HIGD1C: variants seen among roughly 807,000 people sequenced by gnomAD.
HIGD1C encodes HIG1 domain family member 1C.
HIGD1C carries 11 observed loss-of-function variants against 13.1 expected under a neutral mutation model. That is an observed-to-expected ratio of 0.84 (90% CI 0.53 to 1.39). The LOEUF is 1.39. Among genes scored for constraint, HIGD1C ranks in the 40% most tolerant of loss-of-function variants. The pLI is 0.00. For synonymous variants in HIGD1C, 36 were observed against 37.7 expected (o/e 0.95, Z 0.17); for missense variants, 110 against 112.0 (o/e 0.98, Z 0.08).
chr12:50,970,901 T>C (rs1371812454), downstream of HIGD1C, among the ~76,000 whole-genome samples: 1 of 152,106 alleles, frequency 6.6e-6, no homozygotes, highest in Non-Finnish European at 1.5e-5. Flanking sequence ...TTTTTTGAGA[T>C]GGAGTCTTAC....
intron 2 of HIGD1C, among the ~76,000 whole-genome samples, chr12:50,968,389 T>TTG (rs1001722646): frequency 6.6e-6 from 1 of 151,832 alleles, no homozygotes. Flanking sequence ...GATTCTTTTT[T>TTG]TGTGTGTGTG....
chr12:50,963,389 AAAAAG>A (rs1555212301), intron 2 of HIGD1C, among the ~76,000 whole-genome samples: 37 of 134,498 alleles, frequency 2.8e-4, no homozygotes, highest in African/African-American at 9.8e-4. Flanking sequence ...AAAAAAAAAA[AAAAAG>A]AAAAGAAAAG....
rs113413475 is a variant in HIGD1C, at chr12:50,968,102, A to G, written c.230-2340A>G. On this transcript the variant is annotated intron_variant, in intron 2 of 2. Coordinates refer to ENST00000398455, the Ensembl canonical transcript of HIGD1C. ...CATTGTCTCAAATAATAAGAAGAAG[A>G]AGGAGGAGGAGGAGGAGGAGGAGGA... Among the ~76,000 whole-genome samples the G allele has an allele frequency of 6.1e-4, 90 of 147,354 alleles. 1 individual carries two copies. The highest frequency in any genetic ancestry group is 1.4e-3 in the East Asian group (7 of 5,132).
chr12:50,956,467 T>G (rs1939099684), intron 1 of HIGD1C, among the ~76,000 whole-genome samples: 1 of 152,272 alleles, frequency 6.6e-6, no homozygotes, highest in Non-Finnish European at 1.5e-5. Flanking sequence ...ACTATGTATT[T>G]TCCTGCTACA....
chr12:50,953,162 A>G (rs1328387371), upstream of HIGD1C, among the ~76,000 whole-genome samples: 1 of 152,150 alleles, frequency 6.6e-6, no homozygotes, highest in Non-Finnish European at 1.5e-5. Flanking sequence ...GAAATTGCAC[A>G]TCGTGTCCTG....
At chr12:50,945,891 C>A in the HIGD1C span, among the ~76,000 whole-genome samples, 65 of 151,980 alleles carry the variant, frequency 4.3e-4, no homozygotes, top group Non-Finnish European at 6.6e-4. Flanking sequence ...AGATATAGAC[C>A]AATGGAACAG....
chr12:50,952,599 G>A (rs1938934416), upstream of HIGD1C, among the ~76,000 whole-genome samples: 1 of 152,146 alleles, frequency 6.6e-6, no homozygotes, highest in African/African-American at 2.4e-5. Context: ...CCCCACTCAG[G>A]TCTCACACAC....
upstream of HIGD1C, among the ~76,000 whole-genome samples, chr12:50,953,353 C>T (rs759626101): frequency 6.6e-6 from 1 of 152,194 alleles, no homozygotes; most frequent in Non-Finnish European, 1.5e-5. Flanking sequence ...CAATAAGCTG[C>T]ACAGGGAACA....
chr12:50,950,670 ATT>A (rs57553489), upstream of HIGD1C, among the ~76,000 whole-genome samples: 2,104 of 87,590 alleles, frequency 0.024, 60 homozygotes, highest in African/African-American at 0.095. Flanking sequence ...TGCCCAGCTA[ATT>A]TTTTTTTTTT....
chr12:50,953,891 T>C (rs1203295070), upstream of HIGD1C: 9 of 640,448 alleles, frequency 1.4e-5, no homozygotes, highest in Admixed American at 1.7e-4. Flanking sequence ...ATCAAACAAA[T>C]GAAAACAAAA....
chr12:50,957,799 C>T (rs879774284), intron 1 of HIGD1C, among the ~76,000 whole-genome samples: 74 of 151,968 alleles, frequency 4.9e-4, no homozygotes, highest in Admixed American at 1.8e-3. Flanking sequence ...ACAGGAGAAT[C>T]GCTTGAACCC....
chr12:50,970,885 A>T (rs946379159), downstream of HIGD1C, among the ~76,000 whole-genome samples: 7 of 151,202 alleles, frequency 4.6e-5, no homozygotes, highest in Non-Finnish European at 8.8e-5. Context: ...ATTTTATTTT[A>T]TTTTATTTTT....
At chr12:50,959,649 T>C (rs1162641965) in intron 1 of HIGD1C, among the ~76,000 whole-genome samples, 8 of 131,712 alleles carry the variant, frequency 6.1e-5, no homozygotes, top group Admixed American at 5.2e-4. Flanking sequence ...GTTGGTTTTG[T>C]TTGTTTTTTG....
chr12:50,965,975 A>G (rs1939527117), intron 2 of HIGD1C, among the ~76,000 whole-genome samples: 1 of 152,150 alleles, frequency 6.6e-6, no homozygotes, highest in Non-Finnish European at 1.5e-5. Flanking sequence ...ACTTTTGTTC[A>G]CCAAACCTAG....
At chr12:50,937,197 C>T in the HIGD1C span, among the ~76,000 whole-genome samples, 1 of 152,164 alleles carries the variant, frequency 6.6e-6, no homozygotes, top group Admixed American at 6.5e-5. Context: ...CTGCCCAGGG[C>T]CTTACTCCAC....
chr12:50,962,569 C>T (rs746683295), intron 2 of HIGD1C, among the ~76,000 whole-genome samples: 28 of 151,244 alleles, frequency 1.9e-4, no homozygotes, highest in Non-Finnish European at 2.9e-4. Context: ...GTGTGGCATG[C>T]GCCTGTAGTC....
At chr12:50,946,767 A>C in the HIGD1C span, among the ~76,000 whole-genome samples, 2 of 152,166 alleles carry the variant, frequency 1.3e-5, no homozygotes, top group South Asian at 4.1e-4. Context: ...TGCTGCTATA[A>C]AGACACAGGG....
At chr12:50,963,260 C>T (rs887497563) in intron 2 of HIGD1C, among the ~76,000 whole-genome samples, 2 of 150,190 alleles carry the variant, frequency 1.3e-5, no homozygotes, top group African/African-American at 2.5e-5. Context: ...ATCCCAGCTA[C>T]TCAGGAGGCT....
intron 2 of HIGD1C, among the ~76,000 whole-genome samples, chr12:50,968,853 A>AT (rs940517148): frequency 2.0e-5 from 3 of 147,132 alleles, no homozygotes; most frequent in Non-Finnish European, 4.5e-5. Context: ...TAATTTTTTT[A>AT]TTTTTTTGTA....
Sources: allele counts gnomAD v4.1 joint callset (sites outside exome capture counted in the v4.1 genomes callset), GRCh38; gene constraint gnomAD v4.1.1; transcripts MANE v1.5; gene names NCBI Gene and HGNC (gene_info 2026-07-23, HGNC 2026-07-21).